SRD5A2: variants seen among roughly 807,000 people sequenced by gnomAD.
The protein encoded by SRD5A2 is 3-oxo-5-alpha-steroid 4-dehydrogenase 2.
A neutral mutation model predicts 27.4 loss-of-function variants in SRD5A2; 30 were observed. That is an observed-to-expected ratio of 1.10 (90% CI 0.82 to 1.49). SRD5A2 has a LOEUF of 1.49. Among genes scored for constraint, SRD5A2 ranks in the 40% most tolerant of loss-of-function variants. SRD5A2 has a pLI of 0.00. For missense variants in SRD5A2, 348 were observed against 323.4 expected, an observed-to-expected ratio of 1.08 and a Z score of -0.58; for synonymous variants, 141 against 133.6, an observed-to-expected ratio of 1.06 and a Z score of -0.38.
chr2:31,644,338 T>A, the SRD5A2 span, among the ~76,000 whole-genome samples: 5 of 152,214 alleles, frequency 3.3e-5, no homozygotes, highest in Admixed American at 1.3e-4. Flanking sequence ...CGATGCACGA[T>A]CCAGGACTGG....
chr2:31,596,742 T>A, the SRD5A2 span, among the ~76,000 whole-genome samples: 2 of 151,982 alleles, frequency 1.3e-5, no homozygotes, highest in Non-Finnish European at 2.9e-5. Context: ...CCTTTCAGAA[T>A]AGCTGCAAAA....
intron 1 of SRD5A2, among the ~76,000 whole-genome samples, chr2:31,567,387 G>A (rs1666752309): frequency 6.6e-6 from 1 of 151,444 alleles, no homozygotes; most frequent in East Asian, 1.9e-4. Context: ...TTTTATTGAA[G>A]TAAATTACTA....
intron 1 of SRD5A2, among the ~76,000 whole-genome samples, chr2:31,541,584 T>C (rs1468005245): frequency 6.6e-6 from 1 of 152,086 alleles, no homozygotes; most frequent in Non-Finnish European, 1.5e-5. Context: ...ACAAACTATC[T>C]ACACACACAA....
the SRD5A2 span, among the ~76,000 whole-genome samples, chr2:31,643,834 T>C: frequency 6.6e-6 from 1 of 152,188 alleles, no homozygotes; most frequent in African/African-American, 2.4e-5. Flanking sequence ...CTGATATGAA[T>C]ACATATATCA....
At chr2:31,633,467 T>C in the SRD5A2 span, among the ~76,000 whole-genome samples, 1 of 152,198 alleles carries the variant, frequency 6.6e-6, no homozygotes, top group East Asian at 1.9e-4. Context: ...CCTGTATCTT[T>C]AACCTCCTTG....
upstream of SRD5A2, among the ~76,000 whole-genome samples, chr2:31,581,619 G>C (rs370299086): frequency 5.9e-5 from 9 of 152,166 alleles, no homozygotes; most frequent in African/African-American, 2.2e-4. Flanking sequence ...GCCTGCCTGG[G>C]TCAGAGAGGA....
the SRD5A2 span, among the ~76,000 whole-genome samples, chr2:31,588,452 G>A: frequency 2.6e-5 from 4 of 152,142 alleles, no homozygotes; most frequent in African/African-American, 9.7e-5. Context: ...TACCTTACAG[G>A]CAAGGAGAGA....
In SRD5A2 at chr2:31,529,440, CAT is replaced by C; in HGVS notation, c.563_564del (p.Tyr188CysfsTer9). ...TCACCGAGGAAATTGGCTCCAGAAA[CAT>C]ACGTAAACAAGCCACCTGCGTGCAG... ...YRIPQGGLFT[Y>X]VSGANFLGEI... On this transcript the variant is annotated frameshift_variant, in exon 4 of 5. Coordinates refer to ENST00000622030, the MANE Select transcript of SRD5A2 (RefSeq NM_000348.4). LOFTEE classifies it high-confidence loss of function. 1 of 1,612,986 alleles carries C rather than the reference CAT, an allele frequency of 6.2e-7. No homozygotes were observed. Among genetic ancestry groups the C allele is most frequent in the Non-Finnish European group, 8.5e-7 (1 of 1,179,586 alleles).
rs767928056 is a variant in SRD5A2 at position 31,531,381 on chromosome 2, C to A, written c.537G>T (p.Arg179Ser). 127 of 1,582,778 alleles carry A rather than the reference C, an allele frequency of 8.0e-5. 1 individual carries two copies. The Middle Eastern group carries it at 1.7e-3, about 22-fold the overall frequency. ...QLRKPGEISY[R>S]IPQGGLFTYV... is the part of the protein sequence containing the mutation. ...CAGGGGAGACATTACCTTGTGGAAT[C>A]CTGTAGCTGATTTCTCCAGGCTTCC... The change falls in exon 3 of 5, where the codon AGG (arginine) becomes AGT (serine). Residue 179 changes from arginine to serine, a missense_variant. Physicochemically the swap from Arg to Ser is moderately radical, Grantham distance 110. Coordinates refer to ENST00000622030, the MANE Select transcript of SRD5A2 (RefSeq NM_000348.4).
At chr2:31,630,355 A>G in the SRD5A2 span, among the ~76,000 whole-genome samples, 1 of 152,172 alleles carries the variant, frequency 6.6e-6, no homozygotes, top group African/African-American at 2.4e-5. Flanking sequence ...GAGAGAGAGA[A>G]AAAGAGAGAT....
At chr2:31,534,425 G>A (rs1441002482) in intron 1 of SRD5A2, among the ~76,000 whole-genome samples, 1 of 152,134 alleles carries the variant, frequency 6.6e-6, no homozygotes, top group Non-Finnish European at 1.5e-5. Flanking sequence ...GACTCTCCGA[G>A]AAGGAACCCC....
the SRD5A2 span, among the ~76,000 whole-genome samples, chr2:31,623,184 G>T: frequency 3.2e-4 from 49 of 152,132 alleles, no homozygotes; most frequent in African/African-American, 1.1e-3. Flanking sequence ...AGGTGCTGTT[G>T]ATGTTGCAAA....
intron 1 of SRD5A2, among the ~76,000 whole-genome samples, chr2:31,557,739 G>GGGCT (rs1209690236): frequency 6.6e-6 from 1 of 152,118 alleles, no homozygotes; most frequent in Admixed American, 6.6e-5. Context: ...AGCACCCTGG[G>GGGCT]GGCTCTTGAT....
intron 1 of SRD5A2, among the ~76,000 whole-genome samples, chr2:31,553,554 G>A (rs1666425058): frequency 6.6e-6 from 1 of 152,082 alleles, no homozygotes; most frequent in African/African-American, 2.4e-5. Context: ...CACATACAAG[G>A]ACACATCAAT....
chr2:31,628,501 G>A, the SRD5A2 span, among the ~76,000 whole-genome samples: 3 of 152,026 alleles, frequency 2.0e-5, no homozygotes, highest in Non-Finnish European at 4.4e-5. Context: ...GTGTGGATTC[G>A]ATCCTGTCAT....
chr2:31,535,601 T>G (rs532826880), intron 1 of SRD5A2, among the ~76,000 whole-genome samples: 1 of 152,296 alleles, frequency 6.6e-6, no homozygotes, highest in East Asian at 1.9e-4. Flanking sequence ...AGAAACTAAA[T>G]GCTGTCTGCT....
At chr2:31,574,088 T>A (rs953326036) in intron 1 of SRD5A2, among the ~76,000 whole-genome samples, 2 of 152,334 alleles carry the variant, frequency 1.3e-5, no homozygotes, top group African/African-American at 4.8e-5. Context: ...TTCAGTGGCC[T>A]GGCGGGGGCC....
intron 3 of SRD5A2, 128 bp downstream of exon 3, chr2:31,531,243 T>A: frequency 1.5e-6 from 1 of 646,746 alleles, no homozygotes; most frequent in Non-Finnish European, 2.7e-6. Flanking sequence ...GCAGGGGAAG[T>A]CAAGAGCAAG....
the SRD5A2 span, among the ~76,000 whole-genome samples, chr2:31,596,573 A>G: frequency 6.6e-6 from 1 of 152,060 alleles, no homozygotes; most frequent in Admixed American, 6.6e-5. Flanking sequence ...TGATGATATA[A>G]TCACATACCT....
Sources: allele counts gnomAD v4.1 joint callset (sites outside exome capture counted in the v4.1 genomes callset), GRCh38; gene constraint gnomAD v4.1.1; transcripts MANE v1.5; gene names NCBI Gene and HGNC (gene_info 2026-07-23, HGNC 2026-07-21).